TMEM156: variants seen among roughly 807,000 people sequenced by gnomAD.
The protein encoded by TMEM156 is transmembrane protein 156.
In TMEM156, 28 loss-of-function variants were observed where a neutral mutation model predicts 30.5. The ratio of observed to expected loss-of-function variants is 0.92; its 90% CI spans 0.68 to 1.26. TMEM156 has a LOEUF of 1.26. Ranked by LOEUF, TMEM156 falls within the 50% of genes most tolerant of loss-of-function variation. TMEM156 has a pLI of 0.00. For synonymous variants in TMEM156, 137 were observed against 119.9 expected, an observed-to-expected ratio of 1.14 and a Z score of -0.93; for missense variants, 351 against 340.6, an observed-to-expected ratio of 1.03 and a Z score of -0.24.
chr4:38,990,541 C>T (rs1264346348), intron 3 of TMEM156, among the ~76,000 whole-genome samples: 2 of 152,116 alleles, frequency 1.3e-5, no homozygotes, highest in African/African-American at 4.8e-5. Context: ...ACACAAGACA[C>T]ATGATGGGGA....
chr4:39,017,101 G>T (rs924291582), intron 1 of TMEM156, among the ~76,000 whole-genome samples: 4 of 151,654 alleles, frequency 2.6e-5, no homozygotes, highest in Non-Finnish European at 5.9e-5. Context: ...CTTGACAAGT[G>T]GGAATTATTA....
chr4:39,027,788 G>T (rs1204180203), intron 1 of TMEM156, among the ~76,000 whole-genome samples: 2 of 128,548 alleles, frequency 1.6e-5, no homozygotes, highest in African/African-American at 5.8e-5. Flanking sequence ...AAGAAGTCTC[G>T]CTTTGTCCAC....
Position 38,998,689 on chromosome 4 carries a change from A to C in TMEM156, c.309T>G (p.Cys103Trp). Residue 103 changes from cysteine (C) to tryptophan (W), a missense_variant, in exon 2 of 7, where the codon TGT becomes TGG. Physicochemically the swap from Cys to Trp is radical, Grantham distance 215. Transcript: ENST00000381938. ...TAAAATCCATGTTTCCTTTAGACTC[A>C]CAAACCAAACACGAGGAGCACATTT... ...EFKMCSSCLV[C>W]ESKGNMDFIS... is the part of the protein sequence containing the mutation. 1 of 1,613,402 alleles carries C rather than the reference A, an allele frequency of 6.2e-7. No homozygotes were observed. Among genetic ancestry groups the C allele is most frequent in the Non-Finnish European group, 8.5e-7 (1 of 1,179,596 alleles).
intron 1 of TMEM156, among the ~76,000 whole-genome samples, chr4:39,005,544 T>C (rs1713671008): frequency 6.6e-6 from 1 of 150,438 alleles, no homozygotes; most frequent in Non-Finnish European, 1.5e-5. Flanking sequence ...TTACCCAGTC[T>C]CGGATAGTAT....
intron 1 of TMEM156, among the ~76,000 whole-genome samples, chr4:39,006,586 T>C (rs553388462): frequency 5.3e-5 from 8 of 152,112 alleles, no homozygotes; most frequent in Admixed American, 1.3e-4. Context: ...CTTCTAAAAG[T>C]TGTTTTTAAA....
intron 4 of TMEM156, among the ~76,000 whole-genome samples, chr4:38,987,845 A>G (rs549676900): frequency 4.7e-4 from 72 of 152,242 alleles, no homozygotes; most frequent in Non-Finnish European, 7.9e-4. Context: ...ACATAAATCT[A>G]TTTATTTTTA....
At position 38,986,325 on chromosome 4, in the gene TMEM156, A is replaced by G. The variant is rs1452051980; in HGVS notation, c.823+11T>C. On this transcript the variant is annotated intron_variant, in intron 5 of 6. Transcript: ENST00000381938. ...CTGAGTGCTGTTTTGTTTACATGCC[A>G]CAGAACTTACCTGAAAGAACCTGCA... is the stretch of plus-strand genomic sequence containing the variant. 6.2e-7 allele frequency: 1 copy of G among 1,608,676 alleles called. No individual in the cohort carries two copies. The highest frequency in any genetic ancestry group is 8.5e-7 in the Non-Finnish European group (1 of 1,175,190).
intron 5 of TMEM156, among the ~76,000 whole-genome samples, chr4:38,985,666 C>T (rs949245699): frequency 1.3e-5 from 2 of 152,174 alleles, no homozygotes; most frequent in Non-Finnish European, 2.9e-5. Flanking sequence ...TTGGTAACAG[C>T]ACTCATAATT....
intron 1 of TMEM156, among the ~76,000 whole-genome samples, chr4:39,004,951 C>T (rs893187895): frequency 6.6e-6 from 1 of 152,288 alleles, no homozygotes; most frequent in Non-Finnish European, 1.5e-5. Context: ...AGCTTTCTTA[C>T]TTATAATAGC....
intron 5 of TMEM156, among the ~76,000 whole-genome samples, chr4:38,972,378 G>A (rs112625521): frequency 6.0e-5 from 9 of 149,668 alleles, no homozygotes; most frequent in African/African-American, 2.2e-4. Flanking sequence ...AGCCTCCTGA[G>A]TAGCTGGGAT....
intron 5 of TMEM156, among the ~76,000 whole-genome samples, chr4:38,975,982 T>G (rs1206377057): frequency 6.6e-6 from 1 of 151,982 alleles, no homozygotes; most frequent in East Asian, 1.9e-4. Context: ...AGACTCTCAC[T>G]AGCCTTAAAG....
At chr4:39,003,098 G>GA (rs1369981886) in intron 1 of TMEM156, among the ~76,000 whole-genome samples, 1 of 151,796 alleles carries the variant, frequency 6.6e-6, no homozygotes, top group Non-Finnish European at 1.5e-5. Context: ...CTTCAAACTT[G>GA]AAAAAAATCA....
chr4:38,986,416 T>A lies in TMEM156; in HGVS notation c.743A>T (p.His248Leu), dbSNP rs1475441948. 6.2e-7 allele frequency: 1 copy of A among 1,607,942 alleles called. No homozygotes were observed. Among genetic ancestry groups the A allele is most frequent in the African/African-American group, 1.3e-5 (1 of 74,828 alleles). The change falls in exon 5 of 7, where the codon CAT becomes CTT. Residue 248 changes from histidine to leucine, a missense_variant. Transcript: ENST00000381938. Reference sequence around the variant, plus strand: ...GAGAACAGATGTAGGTTTGTCTCTATGACCTATTCCCAGAAAAGAAATGAA... The same window carrying A: ...GAGAACAGATGTAGGTTTGTCTCTAAGACCTATTCCCAGAAAAGAAATGAA... ...GQRRVQKWQS[H>L]RDKPTSVLLR... is the part of the protein sequence containing the mutation.
At chr4:38,981,263 A>T (rs986420932) in intron 5 of TMEM156, among the ~76,000 whole-genome samples, 3 of 152,352 alleles carry the variant, frequency 2.0e-5, no homozygotes, top group South Asian at 4.1e-4. Context: ...TTACATTGCC[A>T]TTAGTTTTAT....
intron 1 of TMEM156, among the ~76,000 whole-genome samples, chr4:39,007,314 G>A (rs926616060): frequency 1.3e-5 from 2 of 152,164 alleles, no homozygotes; most frequent in African/African-American, 2.4e-5. Flanking sequence ...AGCTTGTTAA[G>A]TGGTGAAGTA....
chr4:38,973,266 T>C (rs1413930639), intron 5 of TMEM156, among the ~76,000 whole-genome samples: 1 of 152,212 alleles, frequency 6.6e-6, no homozygotes, highest in Non-Finnish European at 1.5e-5. Flanking sequence ...GAAATGAACT[T>C]GTTTATTTCA....
intron 5 of TMEM156, among the ~76,000 whole-genome samples, chr4:38,973,747 G>T (rs1000408947): frequency 6.6e-6 from 1 of 152,144 alleles, no homozygotes; most frequent in African/African-American, 2.4e-5. Flanking sequence ...AATGGCAGTA[G>T]TGGACACCCT....
At chr4:39,024,011 G>A (rs1715040248) in intron 1 of TMEM156, among the ~76,000 whole-genome samples, 1 of 152,168 alleles carries the variant, frequency 6.6e-6, no homozygotes, top group African/African-American at 2.4e-5. Context: ...AAAGGAAAGA[G>A]CCAGAGGAAT....
At chr4:38,984,766 G>A (rs922844567) in intron 5 of TMEM156, among the ~76,000 whole-genome samples, 1 of 151,980 alleles carries the variant, frequency 6.6e-6, no homozygotes, top group Non-Finnish European at 1.5e-5. Flanking sequence ...GCCTCAAAAG[G>A]GTTCTTGGTT....
Sources: gnomAD v4.1 joint callset for allele counts (sites outside exome capture counted in the v4.1 genomes callset) on GRCh38, gnomAD v4.1.1 for gene constraint, MANE v1.5 for transcripts, NCBI Gene and HGNC (gene_info 2026-07-23, HGNC 2026-07-21) for gene names.